UBXN7: variants seen among roughly 807,000 people sequenced by gnomAD.
UBXN7 encodes UBX domain protein 7, also known as UBX domain-containing protein 7.
UBXN7 carries 9 observed loss-of-function variants against 58.0 expected under a neutral mutation model. The ratio of observed to expected loss-of-function variants is 0.16; its 90% CI spans 0.09 to 0.27. The LOEUF (loss-of-function observed/expected upper bound fraction) is 0.27. UBXN7 is among the 10% of genes least tolerant of loss of function. UBXN7 has a pLI of 1.00. For missense variants in UBXN7, 328 were observed against 599.6 expected, an observed-to-expected ratio of 0.55 and a Z score of 4.73; for synonymous variants, 208 against 205.0, an observed-to-expected ratio of 1.01 and a Z score of -0.12.
intron 8 of UBXN7, among the ~76,000 whole-genome samples, chr3:196,366,892 A>C (rs1018369380): frequency 1.1e-4 from 16 of 152,014 alleles, no homozygotes; most frequent in Admixed American, 3.9e-4. Context: ...CTGCCCAAAG[A>C]AAAAAACAGG....
chr3:196,426,385 CAAA>C (rs58979892), intron 1 of UBXN7, among the ~76,000 whole-genome samples: 6 of 114,186 alleles, frequency 5.3e-5, no homozygotes, highest in Non-Finnish European at 3.7e-5. Flanking sequence ...GACTTCGTCT[CAAA>C]AAAAAAAAAA....
intron 8 of UBXN7, among the ~76,000 whole-genome samples, chr3:196,362,953 G>A (rs189601787): frequency 6.6e-6 from 1 of 152,078 alleles, no homozygotes; most frequent in African/African-American, 2.4e-5. Flanking sequence ...GCCCAGGCTG[G>A]AGTGCAGTGG....
At chr3:196,429,326 C>CAA (rs528881094) in intron 1 of UBXN7, among the ~76,000 whole-genome samples, 15 of 98,588 alleles carry the variant, frequency 1.5e-4, no homozygotes, top group Admixed American at 2.2e-4. Flanking sequence ...GACTCCGTCT[C>CAA]AAAAAAAAAA....
At chr3:196,374,389 A>C (rs1007771263) in intron 5 of UBXN7, among the ~76,000 whole-genome samples, 1 of 152,178 alleles carries the variant, frequency 6.6e-6, no homozygotes, top group Non-Finnish European at 1.5e-5. Flanking sequence ...TATAGATATT[A>C]AAGTAATAGC....
chr3:196,432,066 A>T, intron 1 of UBXN7: 1 of 594,588 alleles, frequency 1.7e-6, no homozygotes, highest in Non-Finnish European at 3.0e-6. Context: ...GCCCATTCCC[A>T]GGTCTGGGCT....
Position 196,419,998 on chromosome 3 carries a change from A to C in UBXN7, c.73+12329T>G, listed in dbSNP as rs548237457. On this transcript the variant is annotated intron_variant, in intron 1 of 10. Transcript: ENST00000296328. ...TAACTGAAAGGGAAGAGGAAAAGTA[A>C]GGAGGGCTAAATGATGTAAGTGAGG... Among the ~76,000 whole-genome samples, 3 of 152,352 alleles carry C rather than the reference A, an allele frequency of 2.0e-5. No homozygotes were observed. The East Asian group carries it at 5.8e-4, about 29-fold the overall frequency.
chr3:196,357,383 C>A (rs1728378067), intron 10 of UBXN7, among the ~76,000 whole-genome samples: 1 of 152,226 alleles, frequency 6.6e-6, no homozygotes, highest in Non-Finnish European at 1.5e-5. Flanking sequence ...TTATCTCCAG[C>A]CACAGCAAAC....
chr3:196,420,036 AC>A lies in UBXN7; in HGVS notation c.73+12290del, dbSNP rs201831332. On this transcript the variant is annotated intron_variant, in intron 1 of 10. Transcript: ENST00000296328. ...GATGTAAGTGAGGGAACAGTGATAA[AC>A]AAGTTTAGTGAAGTTACACATTTTA... is the stretch of plus-strand genomic sequence containing the variant. Among the ~76,000 whole-genome samples the A allele has an allele frequency of 4.2e-3, 638 of 152,298 alleles. 20 individuals are homozygous for A. The South Asian group carries it at 0.074, about 18-fold the overall frequency.
chr3:196,369,544 G>A, intron 6 of UBXN7, 33 bp from the exon 7 acceptor site: 1 of 1,542,974 alleles, frequency 6.5e-7, no homozygotes, highest in Non-Finnish European at 8.9e-7. Context: ...AAAAAAGTCA[G>A]CCTCTAAGAA....
In UBXN7 at chr3:196,356,664, G is replaced by A. The variant is rs1560216251; in HGVS notation, c.*21C>T. 1 of 1,580,628 alleles carries A rather than the reference G, an allele frequency of 6.3e-7. No homozygotes were observed. The highest frequency in any genetic ancestry group is 2.0e-5 in the Admixed American group (1 of 49,004). On this transcript the variant is annotated 3_prime_UTR_variant, in exon 11 of 11. Coordinates refer to ENST00000296328, the MANE Select transcript of UBXN7 (RefSeq NM_015562.2). ...GGAAAAGGGAAAAAAGGGGTAAGCT[G>A]AGAGAGGTCAAGCCATGGTGTTAAT...
intron 1 of UBXN7, among the ~76,000 whole-genome samples, chr3:196,412,278 C>T (rs1577472194): frequency 1.4e-5 from 2 of 143,492 alleles, no homozygotes; most frequent in South Asian, 4.5e-4. Flanking sequence ...GAATATACAA[C>T]GTGTGTAATA....
rs750027653 is a variant in UBXN7 at position 196,348,422 on chromosome 3, A to G, written c.*8263T>C. On this transcript the variant is annotated 3_prime_UTR_variant, in exon 11 of 11. Transcript: ENST00000296328. ...TTGCCAGAAACATTACAACAGGAGCACTGTCTCTGTTATCTTCTTGGATTC... is the reference window on the plus strand; with the variant it reads ...TTGCCAGAAACATTACAACAGGAGCGCTGTCTCTGTTATCTTCTTGGATTC... 9 of 152,186 alleles carry G rather than the reference A, an allele frequency of 5.9e-5. No homozygotes were observed. The highest frequency in any genetic ancestry group is 5.2e-4 in the Admixed American group (8 of 15,272). The allele number at this position is 152,186 out of a possible 1,614,324, so 9.4% of individuals were successfully genotyped here. A position where few individuals can be genotyped will look rare whatever the true frequency, so the allele number is the denominator to read the frequency against.
chr3:196,372,327 C>CTCTCTCTCTCTCTCTCTCTCTCTCTCT (rs1560222230), intron 5 of UBXN7, among the ~76,000 whole-genome samples: 4 of 90,280 alleles, frequency 4.4e-5, no homozygotes, highest in Admixed American at 1.1e-4. Flanking sequence ...TCTCTCTCTC[C>CTCTCTCTCTCTCTCTCTCTCTCTCTCT]TTTCTTTCTT....
chr3:196,385,348 G>A (rs1345647061), intron 5 of UBXN7, among the ~76,000 whole-genome samples: 2 of 152,114 alleles, frequency 1.3e-5, no homozygotes, highest in South Asian at 2.1e-4. Context: ...ATCTCGGCTC[G>A]CTACAACCTC....
In UBXN7 at chr3:196,421,945, T is replaced by C. The variant is rs533511507; in HGVS notation, c.73+10382A>G. ...CAGGCACGGTAGCTCACGCCTGTAA[T>C]CCCAACACTTTGGGAGGTTGAGGCG... On this transcript the variant is annotated intron_variant, in intron 1 of 10. Coordinates refer to ENST00000296328, the MANE Select transcript of UBXN7 (RefSeq NM_015562.2). 2.0e-5 allele frequency among the ~76,000 whole-genome samples: 3 copies of C among 152,188 alleles called. No individual in the cohort carries two copies. The East Asian group carries it at 5.8e-4, about 29-fold the overall frequency.
chr3:196,361,966 A>C (rs2108827313), intron 9 of UBXN7, 43 bp from the exon 10 acceptor site: 1 of 1,496,466 alleles, frequency 6.7e-7, no homozygotes, highest in South Asian at 1.2e-5. Context: ...GGGATACAGG[A>C]GTTTAAGACA....
intron 6 of UBXN7, 110 bp from the exon 7 acceptor site, chr3:196,369,621 G>C (rs1452376524): frequency 1.3e-6 from 1 of 742,016 alleles, no homozygotes; most frequent in African/African-American, 1.8e-5. Flanking sequence ...TCCGGCCTAT[G>C]TATTAAGATC....
intron 6 of UBXN7, among the ~76,000 whole-genome samples, chr3:196,370,654 A>G (rs1235709823): frequency 3.3e-5 from 5 of 151,896 alleles, no homozygotes; most frequent in South Asian, 2.1e-4. Flanking sequence ...CATTAATAGC[A>G]TATCTTACAG....
intron 5 of UBXN7, among the ~76,000 whole-genome samples, chr3:196,380,644 C>T (rs1454953848): frequency 6.6e-6 from 1 of 152,206 alleles, no homozygotes; most frequent in African/African-American, 2.4e-5. Flanking sequence ...CGGGTGCAGC[C>T]CACGGAGGGC....
Sources: gnomAD v4.1 joint callset for allele counts (sites outside exome capture counted in the v4.1 genomes callset) on GRCh38, gnomAD v4.1.1 for gene constraint, MANE v1.5 for transcripts, NCBI Gene and HGNC (gene_info 2026-07-23, HGNC 2026-07-21) for gene names.